RP1L1: variants seen among roughly 807,000 people sequenced by gnomAD.
The protein encoded by RP1L1 is RP1 like 1.
A neutral mutation model predicts 15.7 loss-of-function variants in RP1L1; 27 were observed. The observed-to-expected ratio is 1.72, with a 90% CI of 1.27 to 2.38. RP1L1 has a LOEUF of 2.38. Ranked by LOEUF, RP1L1 falls within the 30% of genes most tolerant of loss-of-function variation. The probability of loss-of-function intolerance (pLI) is 0.00; values close to 1 mark genes in which losing one functional copy is unlikely to be tolerated. For missense variants in RP1L1, 4,798 were observed against 3,075.9 expected (o/e 1.56, Z -13.24); for synonymous variants, 1,813 against 1,276.7 (o/e 1.42, Z -8.96).
At chr8:10,620,507 G>C (rs1368983717) in intron 2 of RP1L1, among the ~76,000 whole-genome samples, 1 of 152,202 alleles carries the variant, frequency 6.6e-6, no homozygotes, top group East Asian at 1.9e-4. Context: ...TTGGGAGGCT[G>C]AGGCAGGAAA....
chr8:10,609,007 C>A lies in RP1L1; in HGVS notation c.5091G>T (p.Arg1697Ser). Residue 1697 changes from arginine to serine, a missense_variant, in exon 4 of 4, where the codon AGG (arginine) becomes AGT (serine). By Grantham distance (110) the Arg-to-Ser change is moderately radical. Transcript: ENST00000382483. ...FDLQQILQRK[R>S]GEHTDGEAAE... is the part of the protein sequence containing the mutation. ...CTGCCTCCCCATCAGTGTGTTCTCC[C>A]CTCTTCCTCTGCAGAATCTGCTGCA... 1.9e-6 allele frequency: 3 copies of A among 1,613,438 alleles called. No individual in the cohort carries two copies. Among genetic ancestry groups the A allele is most frequent in the Non-Finnish European group, 2.5e-6 (3 of 1,179,446 alleles).
At chr8:10,653,656 T>TACAC (rs36044293) in intron 1 of RP1L1, among the ~76,000 whole-genome samples, 36 of 150,468 alleles carry the variant, frequency 2.4e-4, no homozygotes, top group African/African-American at 6.6e-4. Flanking sequence ...CACACACGCA[T>TACAC]ACACACACAC....
chr8:10,609,151 C>G lies in RP1L1; in HGVS notation c.4947G>C (p.Glu1649Asp), dbSNP rs370206848. The part of the protein sequence containing the change: ...LSTALGSQLG[E>D]EAEGEEFCPC... ...GACAGAACTCCTCCCCCTCCGCCTC[C>G]TCGCCCAGCTGGCTCCCCAGGGCTG... is the stretch of plus-strand genomic sequence containing the variant. The change falls in exon 4 of 4, where the codon GAG becomes GAC. Residue 1649 changes from glutamate (E) to aspartate (D), a missense_variant. Coordinates refer to ENST00000382483, the MANE Select transcript of RP1L1 (RefSeq NM_178857.6). The G allele has an allele frequency of 2.2e-5, 35 of 1,613,072 alleles. No homozygotes were observed. Among genetic ancestry groups the G allele is most frequent in the Non-Finnish European group, 2.8e-5 (33 of 1,179,690 alleles).
rs575772322 is a variant in RP1L1 at position 10,610,794 on chromosome 8, C to T, written c.3304G>A (p.Glu1102Lys). ...CTCCTGGCCATGGGCCTAGACACTT[C>T]GGGCACGCTGCTGGGCCGGCCCTGC... The part of the protein sequence containing the change: ...SKQGRPSSVP[E>K]VSRPMARRLS... The change falls in exon 4 of 4, where the codon GAA (glutamate) becomes AAA (lysine). Residue 1102 changes from glutamate to lysine, a missense_variant. Physicochemically the swap from Glu to Lys is moderately conservative, Grantham distance 56. Coordinates refer to ENST00000382483, the MANE Select transcript of RP1L1 (RefSeq NM_178857.6). 5.1e-5 allele frequency: 82 copies of T among 1,611,318 alleles called. No homozygotes were observed. Among genetic ancestry groups the T allele is most frequent in the South Asian group, 4.0e-4 (36 of 91,064 alleles).
Position 10,609,777 on chromosome 8 carries a change from G to C in RP1L1, c.4321C>G (p.Pro1441Ala). The change falls in exon 4 of 4, where the codon CCG (proline) becomes GCG (alanine). Residue 1441 changes from proline (P) to alanine (A), a missense_variant. Pro to Ala is a conservative substitution (Grantham distance 27, BLOSUM62 -1). Coordinates refer to ENST00000382483, the MANE Select transcript of RP1L1 (RefSeq NM_178857.6). ...TCCTCTGTGCCCTCTGCGGGGCACG[G>C]CTCTGCAGAGGCAGAGGCTCTTCCT... is the stretch of plus-strand genomic sequence containing the variant. ...EAGRASASAE[P>A]CPAEGTEEPT... is the part of the protein sequence containing the mutation. 1.2e-6 allele frequency: 2 copies of C among 1,613,640 alleles called. No individual in the cohort carries two copies. Among genetic ancestry groups the C allele is most frequent in the Non-Finnish European group, 1.7e-6 (2 of 1,179,708 alleles).
At position 10,607,259 on chromosome 8, in the gene RP1L1, G is replaced by C. The variant is rs767995792; in HGVS notation, c.6839C>G (p.Pro2280Arg). 1.2e-6 allele frequency: 2 copies of C among 1,614,070 alleles called. No individual in the cohort carries two copies. Among genetic ancestry groups the C allele is most frequent in the African/African-American group, 1.3e-5 (1 of 74,954 alleles). The change falls in exon 4 of 4, where the codon CCC becomes CGC. Residue 2280 changes from proline (P) to arginine (R), a missense_variant. Physicochemically the swap from Pro to Arg is moderately radical, Grantham distance 103. Coordinates refer to ENST00000382483, the MANE Select transcript of RP1L1 (RefSeq NM_178857.6). ...SPVPEDRPTP[P>R]PSPGGDTPHQ... ...GGGAGTGTCTCCACCTGGGGAAGGG[G>C]GTGGAGTGGGCCTGTCCTCAGGGAC...
chr8:10,613,916 T>C (rs1046137135), intron 3 of RP1L1, among the ~76,000 whole-genome samples: 2 of 152,270 alleles, frequency 1.3e-5, no homozygotes, highest in African/African-American at 4.8e-5. Flanking sequence ...ATCTCAACTC[T>C]GCTGCTTACT....
At chr8:10,636,177 T>G (rs928555045) in intron 1 of RP1L1, among the ~76,000 whole-genome samples, 1 of 152,242 alleles carries the variant, frequency 6.6e-6, no homozygotes, top group Non-Finnish European at 1.5e-5. Context: ...TTATGGGCCT[T>G]GCCATCGCTC....
rs780320941 is a variant in RP1L1, at chr8:10,611,755, G to A, written c.2343C>T (p.Ser781=). 3.1e-5 allele frequency: 50 copies of A among 1,613,510 alleles called. No individual in the cohort carries two copies. Among genetic ancestry groups the A allele is most frequent in the South Asian group, 4.4e-5 (4 of 91,086 alleles). The change falls in exon 4 of 4, where the codon TCC becomes TCT. Residue 781 remains serine, a synonymous_variant. Transcript: ENST00000382483. The stretch of plus-strand genomic sequence containing the variant: ...CAGCCCCAGATTTTGAGCAGGAGTC[G>A]GATGTGTGGGGAGGTATGGGGGCCG... ...CSPAPIPPHT[S]DSCSKSGAAS... is the part of the protein sequence containing the mutation.
In RP1L1 at chr8:10,611,382, C is replaced by T. The variant is rs764159670; in HGVS notation, c.2716G>A (p.Gly906Arg). 2 of 1,608,368 alleles carry T rather than the reference C, an allele frequency of 1.2e-6. No individual in the cohort carries two copies. The highest frequency in any genetic ancestry group is 1.3e-5 in the African/African-American group (1 of 74,980). The change falls in exon 4 of 4, where the codon GGG becomes AGG. Residue 906 changes from glycine (G) to arginine (R), a missense_variant. Transcript: ENST00000382483. ...GPTPSPGPNS[G>R]ASRRSSASQG... ...CTGGCACTGCTTCTCCTTGATGCCCCTGAATTGGGGCCTGGGGACGGCGTG... is the reference window on the plus strand; with the variant it reads ...CTGGCACTGCTTCTCCTTGATGCCCTTGAATTGGGGCCTGGGGACGGCGTG...
chr8:10,610,744 G>C lies in RP1L1; in HGVS notation c.3354C>G (p.Leu1118=). Residue 1118 remains leucine (L), a synonymous_variant, in exon 4 of 4, where the codon CTC becomes CTG. Transcript: ENST00000382483. ...ARRLSCSAGA[L]ITCLASLQLF... is the part of the protein sequence containing the mutation. ...ACTGCAGACTGGCCAGACAAGTAAT[G>C]AGGGCCCCGGCTGAGCAGCTGAGCC... 6.2e-7 allele frequency: 1 copy of C among 1,613,462 alleles called. No homozygotes were observed.
Position 10,611,232 on chromosome 8 carries a change from C to T in RP1L1, c.2866G>A (p.Val956Met). The T allele has an allele frequency of 6.2e-7, 1 of 1,613,074 alleles. No homozygotes were observed. The highest frequency in any genetic ancestry group is 8.5e-7 in the Non-Finnish European group (1 of 1,180,034). ...SSLPRSSPEA[V>M]VREWLDNIPE... ...ATGTTGTCCAGCCATTCGCGGACCA[C>T]AGCCTCTGGAGACGAGCGGGGCAGA... Residue 956 changes from valine (V) to methionine (M), a missense_variant, in exon 4 of 4, where the codon GTG becomes ATG. Transcript: ENST00000382483.
At chr8:10,616,342 G>C in intron 3 of RP1L1, 104 bp downstream of exon 3, 1 of 1,458,352 alleles carries the variant, frequency 6.9e-7, no homozygotes, top group Non-Finnish European at 9.6e-7. Context: ...CAAGATCTGG[G>C]GCCAAAGGGA....
At chr8:10,614,586 G>A (rs755070317) in intron 3 of RP1L1, among the ~76,000 whole-genome samples, 7 of 149,518 alleles carry the variant, frequency 4.7e-5, no homozygotes, top group African/African-American at 7.4e-5. Context: ...ACTTGAACCC[G>A]AGAGGCGGAG....
chr8:10,630,442 G>A (rs1798224248), intron 1 of RP1L1, among the ~76,000 whole-genome samples: 1 of 152,248 alleles, frequency 6.6e-6, no homozygotes, highest in Admixed American at 6.5e-5. Context: ...CTCTCAGCCA[G>A]CCTGGGCCTT....
rs1463058545 is a variant in RP1L1, at chr8:10,611,325, C to T, written c.2773G>A (p.Glu925Lys). ...QGAGSRGLSE[E>K]KTLRSGGGPQ... ...CCTCCCCCACTCCTCAAGGTCTTCT[C>T]CTCGGACAGCCCCCGAGACCCCGCA... Residue 925 changes from glutamate (E) to lysine (K), a missense_variant, in exon 4 of 4, where the codon GAG (glutamate) becomes AAG (lysine). By Grantham distance (56) the Glu-to-Lys change is moderately conservative. Coordinates refer to ENST00000382483, the MANE Select transcript of RP1L1 (RefSeq NM_178857.6). The T allele has an allele frequency of 1.2e-6, 2 of 1,612,764 alleles. No individual in the cohort carries two copies. Among genetic ancestry groups the T allele is most frequent in the Non-Finnish European group, 8.5e-7 (1 of 1,179,992 alleles).
chr8:10,618,389 T>TC (rs1798005039), intron 2 of RP1L1, among the ~76,000 whole-genome samples: 1 of 152,140 alleles, frequency 6.6e-6, no homozygotes, highest in African/African-American at 2.4e-5. Context: ...ACGCCTGTAA[T>TC]CCTAGCTACT....
intron 1 of RP1L1, among the ~76,000 whole-genome samples, chr8:10,631,757 G>A (rs926573009): frequency 6.6e-6 from 1 of 152,192 alleles, no homozygotes; most frequent in Non-Finnish European, 1.5e-5. Context: ...GCTGGTTGGA[G>A]GCCGAAGGGA....
chr8:10,608,056 C>G lies in RP1L1; in HGVS notation c.6042G>C (p.Glu2014Asp). 6.2e-7 allele frequency: 1 copy of G among 1,605,108 alleles called. No homozygotes were observed. Among genetic ancestry groups the G allele is most frequent in the Non-Finnish European group, 8.5e-7 (1 of 1,177,150 alleles). Reference protein sequence around the residue: ...EAEGEMQEAEEEAQPESDGVE... With the variant: ...EAEGEMQEAEDEAQPESDGVE... ...CACCGTCTGACTCTGGCTGGGCCTC[C>G]TCTTCTGCCTCTTGCATCTCCCCTT... The change falls in exon 4 of 4, where the codon GAG becomes GAC. Residue 2014 changes from glutamate (E) to aspartate (D), a missense_variant. Glu to Asp is a conservative substitution (Grantham distance 45, BLOSUM62 2). Transcript: ENST00000382483.
Sources: gnomAD v4.1 joint callset for allele counts (sites outside exome capture counted in the v4.1 genomes callset) on GRCh38, gnomAD v4.1.1 for gene constraint, MANE v1.5 for transcripts, NCBI Gene and HGNC (gene_info 2026-07-23, HGNC 2026-07-21) for gene names.